CNTNAP4: variants seen among roughly 807,000 people sequenced by gnomAD.
CNTNAP4 encodes contactin associated protein family member 4.
In CNTNAP4, 98 loss-of-function variants were observed where a neutral mutation model predicts 148.4. The ratio of observed to expected loss-of-function variants is 0.66; its 90% CI spans 0.56 to 0.78. CNTNAP4 has a LOEUF of 0.78. Ranked by LOEUF, CNTNAP4 falls within the 30% of genes least tolerant of loss-of-function variation. The pLI, the probability that CNTNAP4 is intolerant of heterozygous loss-of-function variation, is 0.00. For missense variants in CNTNAP4, 1,935 were observed against 1,565.6 expected, an observed-to-expected ratio of 1.24 and a Z score of -3.98; for synonymous variants, 730 against 565.1, an observed-to-expected ratio of 1.29 and a Z score of -4.14.
At chr16:76,475,476 G>C (rs1022847221) in intron 10 of CNTNAP4, among the ~76,000 whole-genome samples, 1 of 152,132 alleles carries the variant, frequency 6.6e-6, no homozygotes, top group African/African-American at 2.4e-5. Flanking sequence ...AAATTTGTGA[G>C]CCTATACTGT....
At chr16:76,278,641 G>A (rs1166856078) in intron 1 of CNTNAP4, among the ~76,000 whole-genome samples, 1 of 152,038 alleles carries the variant, frequency 6.6e-6, no homozygotes, top group African/African-American at 2.4e-5. Context: ...AACAAGCTTG[G>A]CAAATACAAC....
At chr16:76,354,271 T>A (rs1467265859) in intron 2 of CNTNAP4, among the ~76,000 whole-genome samples, 1 of 152,218 alleles carries the variant, frequency 6.6e-6, no homozygotes, top group Non-Finnish European at 1.5e-5. Flanking sequence ...TTCCCCAAAT[T>A]ATTATATTAA....
intron 3 of CNTNAP4, among the ~76,000 whole-genome samples, chr16:76,407,463 G>T (rs1420323656): frequency 6.6e-6 from 1 of 151,932 alleles, no homozygotes; most frequent in African/African-American, 2.4e-5. Context: ...TAACTCATGA[G>T]AGAAGGTAAA....
intron 15 of CNTNAP4, among the ~76,000 whole-genome samples, chr16:76,511,989 T>A (rs2083045486): frequency 6.6e-6 from 1 of 152,072 alleles, no homozygotes; most frequent in African/African-American, 2.4e-5. Context: ...AGGTGGCATT[T>A]GAATAAAGAT....
At chr16:76,490,240 C>T (rs925289992) in intron 13 of CNTNAP4, among the ~76,000 whole-genome samples, 1 of 152,154 alleles carries the variant, frequency 6.6e-6, no homozygotes, top group Admixed American at 6.5e-5. Flanking sequence ...TCATGGAAAA[C>T]AGCTAATAAA....
At chr16:76,382,497 G>T (rs759140242) in intron 3 of CNTNAP4, among the ~76,000 whole-genome samples, 1 of 152,006 alleles carries the variant, frequency 6.6e-6, no homozygotes, top group African/African-American at 2.4e-5. Context: ...GCAGTTATGT[G>T]ATTATATTGA....
chr16:76,545,911 C>T (rs546759561), intron 21 of CNTNAP4, among the ~76,000 whole-genome samples: 4 of 151,820 alleles, frequency 2.6e-5, no homozygotes, highest in East Asian at 3.9e-4. Context: ...AGCATGCGCC[C>T]GTAGTCTCAG....
chr16:76,404,824 TTAATAA>T (rs1161077690), intron 3 of CNTNAP4, among the ~76,000 whole-genome samples: 1 of 152,114 alleles, frequency 6.6e-6, no homozygotes, highest in African/African-American at 2.4e-5. Context: ...GTGACCACAG[TTAATAA>T]TAATGTACTG....
At chr16:76,347,017 G>A (rs888275933) in intron 2 of CNTNAP4, among the ~76,000 whole-genome samples, 2 of 152,028 alleles carry the variant, frequency 1.3e-5, no homozygotes, top group South Asian at 4.1e-4. Context: ...ACCTTGCTGG[G>A]GAGTTGAAGT....
intron 3 of CNTNAP4, among the ~76,000 whole-genome samples, chr16:76,360,990 T>C (rs1228716656): frequency 2.6e-5 from 4 of 151,816 alleles, no homozygotes. Context: ...CTAATTTTTT[T>C]TTTTTTGTAT....
intron 11 of CNTNAP4, among the ~76,000 whole-genome samples, chr16:76,476,287 G>T (rs999618020): frequency 1.3e-5 from 2 of 152,186 alleles, no homozygotes; most frequent in Non-Finnish European, 2.9e-5. Context: ...CTAAGAAAAT[G>T]CAGAACGTGA....
chr16:76,445,961 A>C (rs533881366), intron 4 of CNTNAP4, among the ~76,000 whole-genome samples: 2 of 152,220 alleles, frequency 1.3e-5, no homozygotes, highest in Non-Finnish European at 2.9e-5. Flanking sequence ...TATTTTTCCC[A>C]TGCGCATTCA....
chr16:76,322,249 C>T (rs1962499166), intron 2 of CNTNAP4, among the ~76,000 whole-genome samples: 1 of 152,114 alleles, frequency 6.6e-6, no homozygotes, highest in African/African-American at 2.4e-5. Context: ...GTCTTGAGCC[C>T]TAATTTTTTC....
intron 10 of CNTNAP4, among the ~76,000 whole-genome samples, chr16:76,469,267 G>A (rs890660773): frequency 3.3e-5 from 5 of 152,182 alleles, no homozygotes; most frequent in Non-Finnish European, 7.3e-5. Flanking sequence ...AGAGAATTTA[G>A]ACGTTAAACC....
chr16:76,457,437 C>G (rs962518569), intron 8 of CNTNAP4, among the ~76,000 whole-genome samples: 2 of 152,188 alleles, frequency 1.3e-5, no homozygotes, highest in Non-Finnish European at 2.9e-5. Context: ...TATTCACAAC[C>G]TGTAACCTGC....
chr16:76,366,201 C>G (rs767038963), intron 3 of CNTNAP4, among the ~76,000 whole-genome samples: 4 of 152,134 alleles, frequency 2.6e-5, no homozygotes, highest in Middle Eastern at 3.4e-3. Flanking sequence ...TATAGTTAAA[C>G]TCATGTTGTA....
rs755278439 is a variant in CNTNAP4 at position 76,540,696 on chromosome 16, T to G, written c.3355-7T>G. ...GGATGTTTTTATCTTGTGTAATAATTTTGTAGATTGACGATAATAGAAGGA... is the reference window on the plus strand; with the variant it reads ...GGATGTTTTTATCTTGTGTAATAATGTTGTAGATTGACGATAATAGAAGGA... On this transcript the variant is annotated splice_region_variant and splice_polypyrimidine_tract_variant and intron_variant, in intron 20 of 23. Coordinates refer to ENST00000611870, the MANE Select transcript of CNTNAP4 (RefSeq NM_033401.5). The G allele has an allele frequency of 6.5e-7, 1 of 1,550,170 alleles. No individual in the cohort carries two copies. Among genetic ancestry groups the G allele is most frequent in the African/African-American group, 1.4e-5 (1 of 73,524 alleles).
chr16:76,452,802 G>T, intron 8 of CNTNAP4, 33 bp downstream of exon 8: 1 of 1,479,722 alleles, frequency 6.8e-7, no homozygotes, highest in Non-Finnish European at 9.0e-7. Flanking sequence ...CAAAGCATAT[G>T]GATTTGAAAG....
At chr16:76,442,300 C>G (rs983813244) in intron 4 of CNTNAP4, among the ~76,000 whole-genome samples, 1 of 152,076 alleles carries the variant, frequency 6.6e-6, no homozygotes, top group African/African-American at 2.4e-5. Flanking sequence ...GGAAAAAGCT[C>G]CTGCCAACAC....
Sources: allele counts gnomAD v4.1 joint callset (sites outside exome capture counted in the v4.1 genomes callset), GRCh38; gene constraint gnomAD v4.1.1; transcripts MANE v1.5; gene names NCBI Gene and HGNC (gene_info 2026-07-23, HGNC 2026-07-21).